The following TMEM163 variants were observed in gnomAD, a reference collection of about 807,000 sequenced individuals.
TMEM163 encodes transmembrane protein 163.
Under a neutral mutation model 29.3 loss-of-function variants are expected in TMEM163, and 17 were observed. That is an observed-to-expected ratio of 0.58 (90% CI 0.40 to 0.87). TMEM163 has a LOEUF of 0.87. TMEM163 is among the 40% of genes least tolerant of loss of function. TMEM163 has a pLI of 0.00. For synonymous variants in TMEM163, 157 were observed against 160.6 expected (o/e 0.98, Z 0.17); for missense variants, 303 against 381.5 (o/e 0.79, Z 1.71).
intron 2 of TMEM163, among the ~76,000 whole-genome samples, chr2:134,635,295 G>A (rs997573254): frequency 2.6e-5 from 4 of 152,082 alleles, no homozygotes; most frequent in Non-Finnish European, 4.4e-5. Context: ...TCAGTAGACG[G>A]CTCTTCTATC....
chr2:134,647,752 G>C (rs558939296), intron 2 of TMEM163, among the ~76,000 whole-genome samples: 1 of 152,340 alleles, frequency 6.6e-6, no homozygotes, highest in Admixed American at 6.5e-5. Flanking sequence ...CTAGCTGGCT[G>C]CTTCATTGCC....
intron 5 of TMEM163, chr2:134,469,626 CACATTCT>C (rs1686747773): frequency 8.4e-6 from 1 of 119,610 alleles, no homozygotes; most frequent in African/African-American, 3.9e-5. Context: ...CTCAGCCAGG[CACATTCT>C]GCATTCTGTG....
At chr2:134,509,850 G>T (rs1679910081) in intron 4 of TMEM163, among the ~76,000 whole-genome samples, 1 of 152,236 alleles carries the variant, frequency 6.6e-6, no homozygotes, top group South Asian at 2.1e-4. Flanking sequence ...CGACATCTAA[G>T]CTGGGTGTAC....
chr2:134,462,692 ATTG>A (rs1158802583), intron 6 of TMEM163, among the ~76,000 whole-genome samples: 2 of 152,216 alleles, frequency 1.3e-5, no homozygotes, highest in Admixed American at 6.5e-5. Flanking sequence ...AAGCAGCCTT[ATTG>A]TTGTTCTCCT....
intron 2 of TMEM163, among the ~76,000 whole-genome samples, chr2:134,575,068 T>C (rs1181132241): frequency 2.6e-5 from 4 of 152,012 alleles, no homozygotes; most frequent in East Asian, 3.9e-4. Flanking sequence ...AAGGGGACCA[T>C]GTGGCGGTCC....
intron 4 of TMEM163, among the ~76,000 whole-genome samples, chr2:134,512,117 G>T (rs1342691572): frequency 6.6e-6 from 1 of 152,130 alleles, no homozygotes. Context: ...ACAAAACATG[G>T]CCCTTTTCCT....
chr2:134,467,328 ACAC>A (rs1558912720), intron 5 of TMEM163: 2 of 150,118 alleles, frequency 1.3e-5, no homozygotes, highest in Non-Finnish European at 2.9e-5. Context: ...CTCAAATCTA[ACAC>A]AGAGTAGAGA....
At chr2:134,658,443 C>A (rs75853818) in intron 2 of TMEM163, among the ~76,000 whole-genome samples, 3,550 of 152,142 alleles carry the variant, frequency 0.023, 146 homozygotes, top group African/African-American at 0.081. Context: ...AAATATTTTT[C>A]ATGAGTTTTT....
At chr2:134,587,311 G>A (rs842355) in intron 2 of TMEM163, among the ~76,000 whole-genome samples, 12 of 152,034 alleles carry the variant, frequency 7.9e-5, no homozygotes, top group African/African-American at 2.9e-4. Flanking sequence ...ACTAGGGAGT[G>A]TGAGGCAGGA....
At chr2:134,713,965 CA>C (rs1684984725) in intron 1 of TMEM163, among the ~76,000 whole-genome samples, 1 of 152,172 alleles carries the variant, frequency 6.6e-6, no homozygotes, top group African/African-American at 2.4e-5. Flanking sequence ...AAGCACATGT[CA>C]AAAAATTCTC....
Sources: allele counts gnomAD v4.1 joint callset (sites outside exome capture counted in the v4.1 genomes callset), GRCh38; gene constraint gnomAD v4.1.1; transcripts MANE v1.5; gene names NCBI Gene and HGNC (gene_info 2026-07-23, HGNC 2026-07-21).